PAN3: variants seen among roughly 807,000 people sequenced by gnomAD.
PAN3 encodes the protein poly(A) specific ribonuclease subunit PAN3, also known as PAN2-PAN3 deadenylation complex subunit PAN3.
A neutral mutation model predicts 96.2 loss-of-function variants in PAN3; 19 were observed. That is an observed-to-expected ratio of 0.20 (90% confidence interval 0.14 to 0.29). PAN3 has a LOEUF of 0.29. Ranked by LOEUF, PAN3 falls within the 10% of genes least tolerant of loss-of-function variation. The probability of loss-of-function intolerance (pLI) is 1.00; values close to 1 mark genes in which losing one functional copy is unlikely to be tolerated. For synonymous variants in PAN3, 433 were observed against 406.6 expected, an observed-to-expected ratio of 1.06 and a Z score of -0.78; for missense variants, 882 against 1,108.1, an observed-to-expected ratio of 0.80 and a Z score of 2.90.
rs774711821 is a variant in PAN3, at chr13:28,197,201, T to A, written c.707T>A (p.Leu236Gln). The change falls in exon 5 of 19, where the codon CTG (leucine) becomes CAG (glutamine). Residue 236 changes from leucine (L) to glutamine (Q), a missense_variant. By Grantham distance (113) the Leu-to-Gln change is moderately radical (BLOSUM62 -2). Transcript: ENST00000380958. The stretch of plus-strand genomic sequence containing the variant: ...TTTTCCTAGCCAAGGAAGTATCGCC[T>A]GGGGATGCTGGAGGAGAGGCTAGTT... The part of the protein sequence containing the change: ...SQRRKPRKYR[L>Q]GMLEERLVPM... The A allele has an allele frequency of 3.1e-6, 5 of 1,612,998 alleles. No homozygotes were observed. The highest frequency in any genetic ancestry group is 1.7e-5 in the Admixed American group (1 of 59,896).
intron 1 of PAN3, among the ~76,000 whole-genome samples, chr13:28,144,359 C>T (rs1036021000): frequency 1.3e-5 from 2 of 151,606 alleles, no homozygotes. Context: ...GGACTACAGG[C>T]GCCCGCCACC....
At chr13:28,194,793 G>A (rs1877809252) in intron 4 of PAN3, among the ~76,000 whole-genome samples, 1 of 151,954 alleles carries the variant, frequency 6.6e-6, no homozygotes, top group Non-Finnish European at 1.5e-5. Flanking sequence ...AAATTAGTAA[G>A]TGTCTAATTA....
intron 1 of PAN3, among the ~76,000 whole-genome samples, chr13:28,152,108 T>C (rs1364624772): frequency 6.6e-6 from 1 of 152,198 alleles, no homozygotes; most frequent in Non-Finnish European, 1.5e-5. Context: ...GGGTTCTACA[T>C]ATGTGCCAGT....
At chr13:28,190,037 G>A (rs188030944) in intron 4 of PAN3, among the ~76,000 whole-genome samples, 144 of 152,194 alleles carry the variant, frequency 9.5e-4, no homozygotes, top group African/African-American at 3.3e-3. Context: ...TCTGCCCCCC[G>A]GGTTCAAGTG....
chr13:28,251,772 C>G (rs529892918), intron 6 of PAN3, among the ~76,000 whole-genome samples: 273 of 151,508 alleles, frequency 1.8e-3, no homozygotes, highest in African/African-American at 6.3e-3. Flanking sequence ...GCCTTAGAAA[C>G]TCAACTTGTA....
intron 17 of PAN3, among the ~76,000 whole-genome samples, chr13:28,285,235 T>C (rs1868834450): frequency 6.6e-6 from 1 of 152,176 alleles, no homozygotes; most frequent in Non-Finnish European, 1.5e-5. Context: ...TCCCAGGTGT[T>C]ATCTGCAAAT....
intron 5 of PAN3, among the ~76,000 whole-genome samples, chr13:28,206,580 C>T (rs902153352): frequency 6.6e-6 from 1 of 151,990 alleles, no homozygotes; most frequent in Non-Finnish European, 1.5e-5. Flanking sequence ...CCTCAGCCAC[C>T]CAAAGTACTG....
At chr13:28,234,904 A>G (rs916589978) in intron 6 of PAN3, among the ~76,000 whole-genome samples, 13 of 152,116 alleles carry the variant, frequency 8.5e-5, no homozygotes, top group African/African-American at 2.9e-4. Flanking sequence ...TTGCCATCAT[A>G]GCCGCTTCCA....
At chr13:28,288,887 C>T (rs1176466298) in intron 18 of PAN3, among the ~76,000 whole-genome samples, 6 of 132,322 alleles carry the variant, frequency 4.5e-5, no homozygotes, top group South Asian at 2.3e-4. Flanking sequence ...AGTGCAGTGG[C>T]GCCATCTAGG....
intron 15 of PAN3, among the ~76,000 whole-genome samples, chr13:28,278,913 C>G (rs550824021): frequency 6.6e-6 from 1 of 152,088 alleles, no homozygotes; most frequent in African/African-American, 2.4e-5. Flanking sequence ...ATGATGACTA[C>G]TATATGCCAA....
chr13:28,201,700 G>C (rs1286876), intron 5 of PAN3, among the ~76,000 whole-genome samples: 59,868 of 151,844 alleles, frequency 0.39, 13,472 homozygotes, highest in African/African-American at 0.63. Context: ...ACAACTGCCT[G>C]TCTTTGTACT....
At position 28,174,354 on chromosome 13, in the gene PAN3, A is replaced by T. The variant is rs1413798938; in HGVS notation, c.513A>T (p.Gly171=). The change falls in exon 2 of 19, where the codon GGA becomes GGT. Residue 171 remains glycine (G), a synonymous_variant. Transcript: ENST00000380958. ...YFSTSFIGVN[G]FGSPVETKYP... Reference sequence around the variant, plus strand: ...GCACCAGCTTTATTGGAGTCAATGGATTTGGAAGCCCTGTAGAAACAAAAT... The same window carrying T: ...GCACCAGCTTTATTGGAGTCAATGGTTTTGGAAGCCCTGTAGAAACAAAAT... 1 of 1,613,286 alleles carries T rather than the reference A, an allele frequency of 6.2e-7. No individual in the cohort carries two copies. Among genetic ancestry groups the T allele is most frequent in the Non-Finnish European group, 8.5e-7 (1 of 1,179,342 alleles).
chr13:28,167,084 T>G (rs1273991330), intron 1 of PAN3, among the ~76,000 whole-genome samples: 5 of 144,018 alleles, frequency 3.5e-5, no homozygotes, highest in Admixed American at 2.1e-4. Context: ...TTATCTTAAT[T>G]TTTTTTTTTT....
intron 4 of PAN3, among the ~76,000 whole-genome samples, chr13:28,189,969 G>A (rs1475438598): frequency 3.3e-5 from 5 of 152,128 alleles, no homozygotes; most frequent in Admixed American, 3.3e-4. Context: ...TTGAGACAGA[G>A]TCTTGCTCTT....
intron 1 of PAN3, among the ~76,000 whole-genome samples, chr13:28,148,887 T>C (rs1045384617): frequency 1.3e-5 from 2 of 152,204 alleles, no homozygotes; most frequent in Admixed American, 6.6e-5. Context: ...ATTATTAGAT[T>C]CTTTATAATG....
At chr13:28,197,433 T>C in intron 5 of PAN3, 87 bp downstream of exon 5, 1 of 1,321,188 alleles carries the variant, frequency 7.6e-7, no homozygotes, top group East Asian at 2.6e-5. Context: ...TGTGAAAGGA[T>C]TGGATGACTT....
chr13:28,190,502 C>G (rs895783796), intron 4 of PAN3, among the ~76,000 whole-genome samples: 1 of 152,112 alleles, frequency 6.6e-6, no homozygotes, highest in African/African-American at 2.4e-5. Context: ...TTAAGCAGTC[C>G]TCCTGCCTTG....
chr13:28,251,615 C>T (rs1017964444), intron 6 of PAN3, among the ~76,000 whole-genome samples: 42 of 152,192 alleles, frequency 2.8e-4, no homozygotes, highest in Admixed American at 2.7e-3. Flanking sequence ...CATTGCTCTT[C>T]GACAGACAGG....
chr13:28,196,342 A>G (rs1878055284), intron 4 of PAN3, among the ~76,000 whole-genome samples: 1 of 152,216 alleles, frequency 6.6e-6, no homozygotes, highest in Non-Finnish European at 1.5e-5. Context: ...GATGCAGTCT[A>G]GTGCAAATTT....
Sources: allele counts gnomAD v4.1 joint callset (sites outside exome capture counted in the v4.1 genomes callset), GRCh38; gene constraint gnomAD v4.1.1; transcripts MANE v1.5; gene names NCBI Gene and HGNC (gene_info 2026-07-23, HGNC 2026-07-21).